Variants in TPRG1 observed in about 807,000 individuals in gnomAD.
The protein encoded by TPRG1 is tumor protein p63 regulated 1.
Under a neutral mutation model 29.3 loss-of-function variants are expected in TPRG1, and 29 were observed. The observed-to-expected ratio is 0.99, with a 90% CI of 0.74 to 1.35. The LOEUF is 1.35. TPRG1 is among the 40% of genes most tolerant of loss of function. TPRG1 has a pLI of 0.00. For missense variants in TPRG1, 327 were observed against 335.0 expected (o/e 0.98, Z 0.19); for synonymous variants, 130 against 116.8 (o/e 1.11, Z -0.73).
intron 1 of TPRG1, among the ~76,000 whole-genome samples, chr3:189,183,239 G>T (rs143521580): frequency 9.8e-4 from 149 of 152,268 alleles, no homozygotes; most frequent in Admixed American, 1.3e-3. Flanking sequence ...CACAGAACCA[G>T]CAAGTTTTTA....
chr3:189,035,459 T>G (rs1053507157), intron 4 of TPRG1, among the ~76,000 whole-genome samples: 1 of 152,116 alleles, frequency 6.6e-6, no homozygotes, highest in African/African-American at 2.4e-5. Context: ...CTAAAGAGCT[T>G]CTTTCTGCAC....
At chr3:189,219,910 G>A (rs149756150) in intron 3 of TPRG1, 4 of 291,790 alleles carry the variant, frequency 1.4e-5, no homozygotes, top group African/African-American at 2.3e-5. Flanking sequence ...CCAGGGCTTC[G>A]GTGTAATTAA....
At position 189,280,632 on chromosome 3, in the gene TPRG1, G is replaced by C. The variant is rs148094811; in HGVS notation, c.480-29754G>C. 4.6e-3 allele frequency among the ~76,000 whole-genome samples: 696 copies of C among 152,234 alleles called. 2 individuals are homozygous for C. The highest frequency in any genetic ancestry group is 0.016 in the African/African-American group (657 of 41,536). ...GAGGCCAACAAGAAGCTTGGGGAAG[G>C]TAAAGGGAAGGTGATTGCCATAACA... On this transcript the variant is annotated intron_variant, in intron 4 of 5. Coordinates refer to ENST00000345063, the MANE Select transcript of TPRG1 (RefSeq NM_198485.4).
chr3:189,254,056 T>C (rs1742688807), intron 4 of TPRG1, among the ~76,000 whole-genome samples: 2 of 152,232 alleles, frequency 1.3e-5, no homozygotes, highest in Non-Finnish European at 2.9e-5. Flanking sequence ...TGGCTTTTGT[T>C]GCCATTGCTT....
rs951625318 is a variant in TPRG1 at position 189,125,813 on chromosome 3, T to G, written c.-743-1244T>G. 2.4e-4 allele frequency among the ~76,000 whole-genome samples: 30 copies of G among 124,060 alleles called. No individual in the cohort carries two copies. The Admixed American group carries it at 2.5e-3, about 10-fold the overall frequency. The allele number at this position is 124,060 out of a possible 152,430, so 81.4% of individuals were successfully genotyped here. A position where few individuals can be genotyped will look rare whatever the true frequency, so the allele number is the denominator to read the frequency against. ...TCAGAAGATGGAGCTGCAGGGTGTT[T>G]TGTGTGTGTGTGTGTGTGTGTGTGT... is the stretch of plus-strand genomic sequence containing the variant. On this transcript the variant is annotated intron_variant, in intron 1 of 6. Coordinates refer to the TPRG1 transcript ENST00000412373.
intron 4 of TPRG1, among the ~76,000 whole-genome samples, chr3:189,297,593 A>G (rs1447620169): frequency 2.0e-5 from 3 of 152,168 alleles, no homozygotes; most frequent in African/African-American, 7.2e-5. Flanking sequence ...GCTGGATCAG[A>G]TTCTGGATTT....
intron 1 of TPRG1, among the ~76,000 whole-genome samples, chr3:189,113,784 G>C (rs1447461283): frequency 1.3e-5 from 2 of 151,876 alleles, no homozygotes; most frequent in African/African-American, 4.8e-5. Flanking sequence ...GGGGGGACGG[G>C]GGACGGATAG....
chr3:189,118,510 C>T (rs1435059031), intron 1 of TPRG1, among the ~76,000 whole-genome samples: 1 of 152,108 alleles, frequency 6.6e-6, no homozygotes, highest in African/African-American at 2.4e-5. Flanking sequence ...CAGGGCTTGT[C>T]AGAGACCTTC....
At chr3:189,151,641 G>A (rs1354810774) in intron 5 of TPRG1, among the ~76,000 whole-genome samples, 5 of 152,128 alleles carry the variant, frequency 3.3e-5, no homozygotes, top group African/African-American at 4.8e-5. Context: ...AGAACTTTGC[G>A]AGGCTGAGGC....
intron 4 of TPRG1, among the ~76,000 whole-genome samples, chr3:189,250,498 A>AT (rs1741999647): frequency 2.8e-5 from 1 of 35,334 alleles, no homozygotes; most frequent in East Asian, 6.2e-4. Flanking sequence ...ACAAGTTCTG[A>AT]TTTCCGCCCC....
upstream of TPRG1, among the ~76,000 whole-genome samples, chr3:189,097,385 C>T (rs1488794602): frequency 6.6e-6 from 1 of 152,086 alleles, no homozygotes; most frequent in Non-Finnish European, 1.5e-5. Flanking sequence ...GGTTTAAATA[C>T]CTATAGTTTG....
chr3:189,118,638 C>T (rs1463590843), intron 1 of TPRG1, among the ~76,000 whole-genome samples: 1 of 152,232 alleles, frequency 6.6e-6, no homozygotes, highest in Non-Finnish European at 1.5e-5. Flanking sequence ...GCTGCTTCAG[C>T]TCCAGCTGTG....
intron 4 of TPRG1, among the ~76,000 whole-genome samples, chr3:189,033,483 T>C (rs752277020): frequency 3.9e-4 from 60 of 152,166 alleles, no homozygotes; most frequent in African/African-American, 1.2e-3. Context: ...GATTTTGTCA[T>C]GTTGCCTGGG....
chr3:189,248,440 T>G (rs1386830164), intron 4 of TPRG1, among the ~76,000 whole-genome samples: 2 of 151,740 alleles, frequency 1.3e-5, no homozygotes, highest in Non-Finnish European at 3.0e-5. Flanking sequence ...CACAATAGAA[T>G]TCTTTTTTTT....
At chr3:189,148,257 A>T (rs1465797720) in intron 4 of TPRG1, among the ~76,000 whole-genome samples, 1 of 152,172 alleles carries the variant, frequency 6.6e-6, no homozygotes, top group Non-Finnish European at 1.5e-5. Flanking sequence ...TTTACTCTAA[A>T]CTTAGAAGGG....
chr3:189,068,806 G>GGGAGGGA (rs1175145155), intron 4 of TPRG1, among the ~76,000 whole-genome samples: 3 of 151,844 alleles, frequency 2.0e-5, no homozygotes, highest in African/African-American at 4.8e-5. Flanking sequence ...AAGGAAGGGA[G>GGGAGGGA]GGAGGGAGGA....
rs145224272 is a variant in TPRG1 at position 189,248,828 on chromosome 3, G to A, written c.479+9919G>A. ...CTACTCTCTGGAAATTACTAAATAT[G>A]TTTACCTTTAAATTGCCAATTTTTT... is the stretch of plus-strand genomic sequence containing the variant. On this transcript the variant is annotated intron_variant, in intron 4 of 5. Coordinates refer to ENST00000345063, the MANE Select transcript of TPRG1 (RefSeq NM_198485.4). Among the ~76,000 whole-genome samples, 250 of 151,086 alleles carry A rather than the reference G, an allele frequency of 1.7e-3. 1 individual carries two copies. Among genetic ancestry groups the A allele is most frequent in the African/African-American group, 5.8e-3 (240 of 41,492 alleles).
chr3:189,049,001 C>G (rs562008753), intron 4 of TPRG1, among the ~76,000 whole-genome samples: 1 of 152,100 alleles, frequency 6.6e-6, no homozygotes, highest in African/African-American at 2.4e-5. Context: ...CGCTTGGTCC[C>G]CAGGCAACCC....
chr3:189,077,289 TTA>T (rs1717242733), intron 4 of TPRG1, among the ~76,000 whole-genome samples: 1 of 152,126 alleles, frequency 6.6e-6, no homozygotes, highest in Non-Finnish European at 1.5e-5. Flanking sequence ...TGAACTACTT[TTA>T]CACATAACAA....
Sources: gnomAD v4.1 joint callset for allele counts (sites outside exome capture counted in the v4.1 genomes callset) on GRCh38, gnomAD v4.1.1 for gene constraint, MANE v1.5 for transcripts, NCBI Gene and HGNC (gene_info 2026-07-23, HGNC 2026-07-21) for gene names.